Variants in NRXN1 observed in about 807,000 individuals in gnomAD.
NRXN1 encodes neurexin-1.
Under a neutral mutation model 150.9 loss-of-function variants are expected in NRXN1, and 39 were observed. The observed-to-expected ratio is 0.26, with a 90% CI of 0.20 to 0.34. NRXN1 has a LOEUF of 0.34. Among genes scored for constraint, NRXN1 ranks in the 10% least tolerant of loss-of-function variants. The pLI is 1.00. For synonymous variants in NRXN1, 924 were observed against 757.0 expected (o/e 1.22, Z -3.62); for missense variants, 1,815 against 1,949.9 (o/e 0.93, Z 1.30).
chr2:50,184,762 T>C (rs1485907900), intron 18 of NRXN1, among the ~76,000 whole-genome samples: 1 of 151,862 alleles, frequency 6.6e-6, no homozygotes, highest in East Asian at 1.9e-4. Context: ...GCATTTACAA[T>C]ATACTTGATA....
chr2:50,275,926 A>C (rs552357778), intron 17 of NRXN1, among the ~76,000 whole-genome samples: 1 of 151,412 alleles, frequency 6.6e-6, no homozygotes, highest in South Asian at 2.1e-4. Context: ...AAATAAATTA[A>C]ATTGTTCAAT....
At chr2:49,926,192 C>A in intron 22 of NRXN1, 2 of 395,336 alleles carry the variant, frequency 5.1e-6, no homozygotes, top group Non-Finnish European at 8.9e-6. Flanking sequence ...TGACCCATTT[C>A]ATATTTATAT....
chr2:50,343,644 G>A (rs999101671), intron 17 of NRXN1, among the ~76,000 whole-genome samples: 3 of 152,182 alleles, frequency 2.0e-5, no homozygotes, highest in African/African-American at 7.2e-5. Flanking sequence ...GGGTAGCCAT[G>A]AGCGCTCTCT....
At chr2:50,625,235 T>C (rs1416753818) in intron 5 of NRXN1, among the ~76,000 whole-genome samples, 1 of 152,072 alleles carries the variant, frequency 6.6e-6, no homozygotes, top group Non-Finnish European at 1.5e-5. Context: ...CAGTGCCAGA[T>C]GATCTGCCTT....
intron 17 of NRXN1, among the ~76,000 whole-genome samples, chr2:50,354,455 T>C (rs1441462268): frequency 6.6e-6 from 1 of 151,022 alleles, no homozygotes; most frequent in Non-Finnish European, 1.5e-5. Context: ...TTGTGAGGAT[T>C]AAATGAGTCG....
At chr2:50,006,797 C>A (rs547978688) in intron 21 of NRXN1, among the ~76,000 whole-genome samples, 2 of 152,244 alleles carry the variant, frequency 1.3e-5, no homozygotes, top group South Asian at 4.1e-4. Context: ...TCAAATCCCC[C>A]TCTCTGCAGG....
At chr2:50,898,568 A>C (rs2103921830) in intron 5 of NRXN1, 1 of 482,582 alleles carries the variant, frequency 2.1e-6, no homozygotes, top group African/African-American at 2.0e-5. Flanking sequence ...AGAAAATGAA[A>C]CGGGATATTG....
chr2:50,906,408 C>T (rs1463110392), intron 5 of NRXN1, among the ~76,000 whole-genome samples: 1 of 152,096 alleles, frequency 6.6e-6, no homozygotes, highest in Non-Finnish European at 1.5e-5. Flanking sequence ...ATCTTTGTAA[C>T]TAATCAACCA....
At chr2:51,017,916 C>T (rs1431079366) in intron 2 of NRXN1, among the ~76,000 whole-genome samples, 1 of 152,028 alleles carries the variant, frequency 6.6e-6, no homozygotes, top group Non-Finnish European at 1.5e-5. Flanking sequence ...TGCTGCCATG[C>T]CAGCTATTTC....
intron 17 of NRXN1, among the ~76,000 whole-genome samples, chr2:50,344,622 C>G (rs1018650029): frequency 1.4e-4 from 21 of 152,296 alleles, no homozygotes; most frequent in African/African-American, 4.6e-4. Context: ...CATTCACATG[C>G]AGAGACAATC....
At position 50,447,740 on chromosome 2, in the gene NRXN1, TATATATATA is replaced by T. The variant is rs2086570595; in HGVS notation, c.3364+17693_3364+17701del. Among the ~76,000 whole-genome samples, 429 of 81,130 alleles carry T rather than the reference TATATATATA, an allele frequency of 5.3e-3. 36 individuals carry two copies. The highest frequency in any genetic ancestry group is 0.036 in the East Asian group (108 of 2,968). The allele number at this position is 81,130 out of a possible 152,430, so 53.2% of individuals were successfully genotyped here. ...TCACATAGTAAGCAGGGGAACGTTA[TATATATATA>T]TATATATATATATATATATATATAT... On this transcript the variant is annotated intron_variant, in intron 17 of 22. Transcript: ENST00000401669.
At chr2:50,227,642 T>C (rs901816463) in intron 18 of NRXN1, among the ~76,000 whole-genome samples, 1 of 152,062 alleles carries the variant, frequency 6.6e-6, no homozygotes, top group Non-Finnish European at 1.5e-5. Context: ...AATTTTATTT[T>C]ATAACAATCA....
intron 17 of NRXN1, among the ~76,000 whole-genome samples, chr2:50,305,670 A>G (rs545819893): frequency 1.4e-3 from 215 of 152,344 alleles, no homozygotes; most frequent in African/African-American, 4.9e-3. Flanking sequence ...ATAAGCATAG[A>G]TCACAATTTT....
intron 9 of NRXN1, among the ~76,000 whole-genome samples, chr2:50,542,813 A>G (rs1169326208): frequency 3.3e-5 from 5 of 152,168 alleles, no homozygotes; most frequent in Non-Finnish European, 5.9e-5. Context: ...GACTTTTACT[A>G]TGGATATGAA....
chr2:50,959,169 A>G (rs2104670190), intron 2 of NRXN1, among the ~76,000 whole-genome samples: 1 of 152,206 alleles, frequency 6.6e-6, no homozygotes, highest in East Asian at 1.9e-4. Flanking sequence ...AAAAATGTAA[A>G]TGATGCAACC....
intron 19 of NRXN1, among the ~76,000 whole-genome samples, chr2:50,069,560 ATC>A (rs1573724660): frequency 6.6e-6 from 1 of 152,120 alleles, no homozygotes; most frequent in African/African-American, 2.4e-5. Context: ...TCTTTTCTTC[ATC>A]TCTCTCTGTT....
At chr2:50,307,341 T>G (rs1032693933) in intron 17 of NRXN1, among the ~76,000 whole-genome samples, 2 of 152,114 alleles carry the variant, frequency 1.3e-5, no homozygotes, top group African/African-American at 4.8e-5. Context: ...CTTAGAGACA[T>G]GTCAAATTAG....
chr2:50,009,161 T>A lies in NRXN1; in HGVS notation c.4128+44110A>T, dbSNP rs568152759. Among the ~76,000 whole-genome samples the A allele has an allele frequency of 1.6e-4, 25 of 152,294 alleles. No individual in the cohort carries two copies. In the East Asian group the frequency reaches 4.4e-3, roughly 27 times the overall value. On this transcript the variant is annotated intron_variant, in intron 21 of 22. Transcript: ENST00000401669. ...AATAGTATTTATGATAGTATCGATA[T>A]ATTTGGACTAGACTTTACCATGGCT...
At chr2:50,829,632 C>G in intron 5 of NRXN1, 1 of 1,611,942 alleles carries the variant, frequency 6.2e-7, no homozygotes, top group Non-Finnish European at 8.5e-7. Flanking sequence ...ACTGGGGATT[C>G]CAGTAGCCAG....
Sources: gnomAD v4.1 joint callset for allele counts (sites outside exome capture counted in the v4.1 genomes callset) on GRCh38, gnomAD v4.1.1 for gene constraint, MANE v1.5 for transcripts, NCBI Gene and HGNC (gene_info 2026-07-23, HGNC 2026-07-21) for gene names.